NOP9: variants seen among roughly 807,000 people sequenced by gnomAD.
NOP9 encodes the protein nucleolar protein 9.
NOP9 carries 50 observed loss-of-function variants against 63.0 expected under a neutral mutation model. That is an observed-to-expected ratio of 0.79 (90% confidence interval 0.63 to 1.00). The LOEUF (loss-of-function observed/expected upper bound fraction) is 1.00. Ranked by LOEUF, NOP9 falls within the 50% of genes least tolerant of loss-of-function variation. The pLI, the probability that NOP9 is intolerant of heterozygous loss-of-function variation, is 0.00. For missense variants in NOP9, 758 were observed against 803.0 expected (o/e 0.94, Z 0.68); for synonymous variants, 343 against 332.8 (o/e 1.03, Z -0.33).
chr14:24,291,501 C>T, the NOP9 span: 1 of 1,562,964 alleles, frequency 6.4e-7, no homozygotes, highest in East Asian at 2.2e-5. Flanking sequence ...CTGGATGCTA[C>T]CGCACTACAC....
At chr14:24,271,203 C>T in the NOP9 span, 10 of 1,435,468 alleles carry the variant, frequency 7.0e-6, no homozygotes, top group Non-Finnish European at 9.3e-6. Flanking sequence ...GTAGCCCCGC[C>T]CCTACTAGCT....
At chr14:24,304,795 C>G (rs888657028) in intron 9 of NOP9, 143 bp from the exon 10 acceptor site, 5 of 1,059,616 alleles carry the variant, frequency 4.7e-6, no homozygotes, top group Non-Finnish European at 6.7e-6. Flanking sequence ...ACCCTGCCCT[C>G]TGACTTCTGT....
the NOP9 span, chr14:24,293,245 A>C: frequency 1.3e-5 from 2 of 154,880 alleles, no homozygotes; most frequent in African/African-American, 4.8e-5. Context: ...GAATTGATAA[A>C]ATAATCTAAA....
chr14:24,292,996 C>T, the NOP9 span: 1 of 541,264 alleles, frequency 1.8e-6, no homozygotes, highest in Non-Finnish European at 3.1e-6. Flanking sequence ...AAACAGCAAT[C>T]TTTGGAAGAA....
rs891773009 is a variant in NOP9, at chr14:24,299,894, A to G, written c.-61A>G. ...GTCTGGATAAGGCGCACGCTTGGCG[A>G]CGTCGAAGGTCCGTCCGCAGTTAAG... On this transcript the variant is annotated 5_prime_UTR_variant, in exon 1 of 10. Transcript: ENST00000267425. 6 of 1,495,632 alleles carry G rather than the reference A, an allele frequency of 4.0e-6. No homozygotes were observed. Among genetic ancestry groups the G allele is most frequent in the African/African-American group, 2.8e-5 (2 of 71,480 alleles). 92.6% of individuals were successfully genotyped at this position (1,495,632 alleles called of 1,614,324 possible).
rs201814151 is a variant in NOP9 at position 24,300,128 on chromosome 14, C to G, written c.174C>G (p.Ser58Arg). The stretch of plus-strand genomic sequence containing the variant: ...CTCCAGATTCGCACCCGCACCTGAG[C>G]CCGGAAGCTCTGGGATATTTCCGCC... ...EPAPDSHPHL[S>R]PEALGYFRRA... Residue 58 changes from serine to arginine, a missense_variant, in exon 1 of 10, where the codon AGC becomes AGG. Transcript: ENST00000267425. 2.1e-5 allele frequency: 34 copies of G among 1,613,726 alleles called. No homozygotes were observed. In the African/African-American group the frequency reaches 3.7e-4, roughly 18 times the overall value.
the NOP9 span, among the ~76,000 whole-genome samples, chr14:24,275,318 C>G: frequency 1.3e-5 from 2 of 152,210 alleles, no homozygotes; most frequent in Non-Finnish European, 2.9e-5. Context: ...ATCTTATTTA[C>G]TGCACTCACT....
upstream of NOP9, among the ~76,000 whole-genome samples, chr14:24,297,629 A>G (rs1039689632): frequency 6.6e-6 from 1 of 152,112 alleles, no homozygotes; most frequent in Admixed American, 6.5e-5. Context: ...CCTGTTCAAA[A>G]TCTCCTAACT....
At chr14:24,303,691 G>A (rs747819598) in intron 6 of NOP9, 41 bp from the exon 7 acceptor site, 2 of 1,599,584 alleles carry the variant, frequency 1.3e-6, no homozygotes, top group Admixed American at 1.7e-5. Flanking sequence ...GTAAGGGACG[G>A]AGAAGTTCTC....
the NOP9 span, among the ~76,000 whole-genome samples, chr14:24,280,012 G>T: frequency 3.3e-5 from 5 of 152,142 alleles, no homozygotes; most frequent in Admixed American, 6.5e-5. Flanking sequence ...CGCTCCTTTT[G>T]GGGGAGCACT....
the NOP9 span, among the ~76,000 whole-genome samples, chr14:24,286,950 C>A: frequency 6.6e-3 from 1,000 of 151,912 alleles, 10 homozygotes; most frequent in African/African-American, 0.023. Flanking sequence ...AGTGTAGTGG[C>A]GCAATCTCAG....
At chr14:24,300,237 C>A in intron 1 of NOP9, 36 bp downstream of exon 1, 1 of 1,605,350 alleles carries the variant, frequency 6.2e-7, no homozygotes. Context: ...CCAAGAGCAT[C>A]AAATCCAGGG....
Position 24,299,952 on chromosome 14 carries a change from C to G in NOP9, c.-3C>G, listed in dbSNP as rs761104374. 2 of 1,536,688 alleles carry G rather than the reference C, an allele frequency of 1.3e-6. No homozygotes were observed. The highest frequency in any genetic ancestry group is 2.8e-5 in the African/African-American group (2 of 72,156). On this transcript the variant is annotated 5_prime_UTR_variant, in exon 1 of 10. Coordinates refer to ENST00000267425, the MANE Select transcript of NOP9 (RefSeq NM_174913.3). Reference sequence around the variant, plus strand: ...TTGCAGCCGGACAGGTCGCGAAGCACACATGGGGCAGGGTCCGCGCTCTCC... The same window carrying G: ...TTGCAGCCGGACAGGTCGCGAAGCAGACATGGGGCAGGGTCCGCGCTCTCC...
At chr14:24,291,793 C>T in the NOP9 span, 1 of 687,222 alleles carries the variant, frequency 1.5e-6, no homozygotes, top group Non-Finnish European at 2.5e-6. Context: ...CAGAGCCACT[C>T]CTCCCCACAT....
At chr14:24,280,503 A>T in the NOP9 span, among the ~76,000 whole-genome samples, 130 of 152,200 alleles carry the variant, frequency 8.5e-4, 1 homozygote, top group African/African-American at 2.9e-3. Context: ...ACCCAAGGGG[A>T]CTCATTTGAC....
chr14:24,299,901 AG>A lies in NOP9; in HGVS notation c.-52del. 6 of 1,501,254 alleles carry A rather than the reference AG, an allele frequency of 4.0e-6. No individual in the cohort carries two copies. The highest frequency in any genetic ancestry group is 4.4e-6 in the Non-Finnish European group (5 of 1,127,702). 93.0% of individuals were successfully genotyped at this position (1,501,254 alleles called of 1,614,324 possible). On this transcript the variant is annotated 5_prime_UTR_variant, in exon 1 of 10. Coordinates refer to ENST00000267425, the MANE Select transcript of NOP9 (RefSeq NM_174913.3). ...TAAGGCGCACGCTTGGCGACGTCGA[AG>A]GTCCGTCCGCAGTTAAGGAAGCTTT... is the stretch of plus-strand genomic sequence containing the variant.
At position 24,304,481 on chromosome 14, in the gene NOP9, G is replaced by T. The variant is rs773876599; in HGVS notation, c.1648-12G>T. Reference sequence around the variant, plus strand: ...TTTGCTAGGGAGACCTACTTTGCTTGTCTCCATACAGGGACAATATGTGGC... The same window carrying T: ...TTTGCTAGGGAGACCTACTTTGCTTTTCTCCATACAGGGACAATATGTGGC... On this transcript the variant is annotated splice_polypyrimidine_tract_variant and intron_variant, in intron 8 of 9. Transcript: ENST00000267425. 2 of 1,590,242 alleles carry T rather than the reference G, an allele frequency of 1.3e-6. No individual in the cohort carries two copies. The highest frequency in any genetic ancestry group is 2.3e-5 in the South Asian group (2 of 87,104).
chr14:24,305,494 C>G lies in NOP9; in HGVS notation c.*399C>G. The G allele has an allele frequency of 9.7e-7, 1 of 1,033,380 alleles. No individual in the cohort carries two copies. The highest frequency in any genetic ancestry group is 1.4e-6 in the Non-Finnish European group (1 of 709,332). 64.0% of individuals were successfully genotyped at this position (1,033,380 alleles called of 1,614,324 possible). On this transcript the variant is annotated 3_prime_UTR_variant, in exon 10 of 10. Coordinates refer to ENST00000267425, the MANE Select transcript of NOP9 (RefSeq NM_174913.3). ...GAGGCGTTATGCTGAAAGGTTCTGT[C>G]ACGAGGGGATCAGAGGACAGTGGGG...
chr14:24,300,587 G>T lies in NOP9; in HGVS notation c.427G>T (p.Val143Phe), dbSNP rs2041353788. 6.2e-7 allele frequency: 1 copy of T among 1,614,224 alleles called. No individual in the cohort carries two copies. Among genetic ancestry groups the T allele is most frequent in the Non-Finnish European group, 8.5e-7 (1 of 1,180,044 alleles). Reference protein sequence around the residue: ...LRTVACHRCGVHVLQSALLQL... With the variant: ...LRTVACHRCGFHVLQSALLQL... ...CACTGTGGCCTGTCACCGATGCGGG[G>T]TCCATGTATTACAAAGTGCTTTGCT... Residue 143 changes from valine to phenylalanine, a missense_variant, in exon 2 of 10, where the codon GTC becomes TTC. Coordinates refer to ENST00000267425, the MANE Select transcript of NOP9 (RefSeq NM_174913.3).
Sources: allele counts gnomAD v4.1 joint callset (sites outside exome capture counted in the v4.1 genomes callset), GRCh38; gene constraint gnomAD v4.1.1; transcripts MANE v1.5; gene names NCBI Gene and HGNC (gene_info 2026-07-23, HGNC 2026-07-21).